SOS1: variants seen among roughly 807,000 people sequenced by gnomAD.
SOS1 encodes son of sevenless homolog 1.
SOS1 carries 25 observed loss-of-function variants against 157.6 expected under a neutral mutation model. The ratio of observed to expected loss-of-function variants is 0.16; its 90% CI spans 0.12 to 0.22. The LOEUF is 0.22. SOS1 is among the 10% of genes least tolerant of loss of function. The pLI is 1.00. For missense variants in SOS1, 1,237 were observed against 1,599.1 expected, an observed-to-expected ratio of 0.77 and a Z score of 3.86; for synonymous variants, 528 against 534.0, an observed-to-expected ratio of 0.99 and a Z score of 0.16.
chr2:39,029,984 G>A (rs10172085), intron 8 of SOS1, among the ~76,000 whole-genome samples: 123,777 of 151,722 alleles, frequency 0.82, 52,426 homozygotes, highest in Non-Finnish European at 0.93. Flanking sequence ...CTGGGCAACA[G>A]AGCGACGTCT....
At chr2:38,994,846 T>C (rs1251868832) in intron 20 of SOS1, among the ~76,000 whole-genome samples, 1 of 152,218 alleles carries the variant, frequency 6.6e-6, no homozygotes, top group Non-Finnish European at 1.5e-5. Flanking sequence ...AGGAATGCAT[T>C]TGAAAAGCTC....
chr2:38,998,793 A>G (rs1209555399), intron 17 of SOS1, among the ~76,000 whole-genome samples: 4 of 152,152 alleles, frequency 2.6e-5, no homozygotes, highest in African/African-American at 9.7e-5. Context: ...ACTGATTACA[A>G]TGCTTTGAGG....
At chr2:39,025,516 A>ATT (rs200073263) in intron 8 of SOS1, among the ~76,000 whole-genome samples, 1 of 139,828 alleles carries the variant, frequency 7.2e-6, no homozygotes, top group South Asian at 2.3e-4. Flanking sequence ...CACCTGACTG[A>ATT]TTTTTTTTTT....
At chr2:39,067,571 A>T in intron 2 of SOS1, 57 bp downstream of exon 2, 2 of 1,518,238 alleles carry the variant, frequency 1.3e-6, no homozygotes, top group South Asian at 2.2e-5. Context: ...GTTCACTGAC[A>T]TTACAACCAA....
At chr2:39,103,979 A>C (rs148419781) in intron 1 of SOS1, among the ~76,000 whole-genome samples, 2,547 of 152,248 alleles carry the variant, frequency 0.017, 27 homozygotes, top group Middle Eastern at 0.088. Context: ...CAAACAACCA[A>C]ATTAAAAAAT....
chr2:39,057,850 A>G (rs1420256980), intron 3 of SOS1, among the ~76,000 whole-genome samples: 4 of 151,518 alleles, frequency 2.6e-5, no homozygotes, highest in African/African-American at 9.7e-5. Flanking sequence ...CAAGTGTTTA[A>G]CTTTAAATTT....
In SOS1 at chr2:39,074,872, G is replaced by GGAA. The variant is rs1671915065; in HGVS notation, c.88-7122_88-7120dup. Among the ~76,000 whole-genome samples, 5 of 135,818 alleles carry GGAA rather than the reference G, an allele frequency of 3.7e-5. No individual in the cohort carries two copies. In the Admixed American group the frequency reaches 3.8e-4, roughly 10 times the overall value. The allele number at this position is 135,818 out of a possible 152,430, so 89.1% of individuals were successfully genotyped here. ...ACAAGAGCAAAAGTCTGCCTCAACAGGAAAAAAAAAAAAAAAAAAGGCACA... is the reference window on the plus strand; with the variant it reads ...ACAAGAGCAAAAGTCTGCCTCAACAGGAAGAAAAAAAAAAAAAAAAAAGGCACA... On this transcript the variant is annotated intron_variant, in intron 1 of 22. Transcript: ENST00000402219.
intron 17 of SOS1, among the ~76,000 whole-genome samples, chr2:38,998,985 G>GCT (rs1303493408): frequency 6.6e-6 from 1 of 152,170 alleles, no homozygotes; most frequent in Non-Finnish European, 1.5e-5. Flanking sequence ...AGTATAATTT[G>GCT]CTAAGCGCTA....
chr2:39,044,864 G>GCGCACACACACACA (rs147443441), intron 6 of SOS1, among the ~76,000 whole-genome samples: 1,969 of 147,724 alleles, frequency 0.013, 15 homozygotes, highest in Middle Eastern at 0.021. Flanking sequence ...GCGCGCGCGC[G>GCGCACACACACACA]CACACACACA....
At chr2:39,113,072 ATTAT>A (rs1673500505) in intron 1 of SOS1, among the ~76,000 whole-genome samples, 1 of 151,892 alleles carries the variant, frequency 6.6e-6, no homozygotes, top group Admixed American at 6.6e-5. Context: ...AATAGAAGTG[ATTAT>A]TTAGCATGAA....
intron 1 of SOS1, among the ~76,000 whole-genome samples, chr2:39,100,999 CATTG>C (rs1672945950): frequency 6.6e-6 from 1 of 152,164 alleles, no homozygotes; most frequent in Admixed American, 6.6e-5. Context: ...AGTCTATTTG[CATTG>C]CTATAAAGAA....
chr2:39,120,285 G>T (rs1171827871), intron 1 of SOS1, 51 bp downstream of exon 1: 1 of 1,499,288 alleles, frequency 6.7e-7, no homozygotes, highest in East Asian at 2.6e-5. Context: ...CTTCCCCAGC[G>T]CCCGCGCTGG....
At chr2:39,048,764 T>TA (rs1455146951) in intron 6 of SOS1, among the ~76,000 whole-genome samples, 3 of 152,340 alleles carry the variant, frequency 2.0e-5, no homozygotes, top group African/African-American at 7.2e-5. Flanking sequence ...GCTGTGTGTT[T>TA]ATTTTTATTT....
Position 39,012,147 on chromosome 2 carries a change from A to G in SOS1, c.2369T>C (p.Leu790Ser), listed in dbSNP as rs139859866. ...ATACCGGTATAGATCTGATTCAAGTAAAGTGAGTTGTCGAGCAATTTCTAT... is the reference window on the plus strand; with the variant it reads ...ATACCGGTATAGATCTGATTCAAGTGAAGTGAGTTGTCGAGCAATTTCTAT... ...HPIEIARQLTLLESDLYRAVQ... is the reference protein window; with the variant it reads ...HPIEIARQLTSLESDLYRAVQ... Residue 790 changes from leucine (L) to serine (S), a missense_variant, in exon 14 of 23, where the codon TTA becomes TCA. Around this residue, in one of 15 missense-constraint regions of SOS1, gnomAD observed 105 missense variants for 236.0 expected, o/e 0.44. Coordinates refer to ENST00000402219, the MANE Select transcript of SOS1 (RefSeq NM_005633.4). 7.4e-6 allele frequency: 12 copies of G among 1,612,172 alleles called. No homozygotes were observed. The highest frequency in any genetic ancestry group is 1.3e-5 in the African/African-American group (1 of 74,872).
chr2:39,094,862 T>G (rs937912370), intron 1 of SOS1, among the ~76,000 whole-genome samples: 1 of 152,160 alleles, frequency 6.6e-6, no homozygotes, highest in Admixed American at 6.6e-5. Context: ...TAAGGATACA[T>G]TGCTACTTTT....
chr2:39,043,740 CTT>C (rs1670656945), intron 6 of SOS1, among the ~76,000 whole-genome samples: 1 of 152,140 alleles, frequency 6.6e-6, no homozygotes, highest in African/African-American at 2.4e-5. Context: ...GTCTCTTTCT[CTT>C]TTTATAAAAA....
Position 39,067,666 on chromosome 2 carries a change from G to C in SOS1, c.175C>G (p.Leu59Val). Residue 59 changes from leucine to valine, a missense_variant, in exon 2 of 23, where the codon CTA (leucine) becomes GTA (valine). Coordinates refer to ENST00000402219, the MANE Select transcript of SOS1 (RefSeq NM_005633.4). Reference sequence around the variant, plus strand: ...GCACTTCGGGGCTGAGCTTGGCATAGCATATTTAATAATTGCAAAATTAAT... The same window carrying C: ...GCACTTCGGGGCTGAGCTTGGCATACCATATTTAATAATTGCAAAATTAAT... ...EELILQLLNM[L>V]CQAQPRSASD... The C allele has an allele frequency of 6.2e-7, 1 of 1,612,878 alleles. No individual in the cohort carries two copies. Among genetic ancestry groups the C allele is most frequent in the East Asian group, 2.2e-5 (1 of 44,862 alleles).
intron 1 of SOS1, among the ~76,000 whole-genome samples, chr2:39,104,699 A>C (rs1013046136): frequency 5.9e-5 from 9 of 152,240 alleles, no homozygotes; most frequent in Admixed American, 5.2e-4. Context: ...AAAAGGTGCA[A>C]AATGTCCACC....
At chr2:39,005,025 T>C (rs1420822380) in intron 17 of SOS1, among the ~76,000 whole-genome samples, 1 of 152,210 alleles carries the variant, frequency 6.6e-6, no homozygotes, top group Non-Finnish European at 1.5e-5. Flanking sequence ...AACCTATGTA[T>C]AGTAGTCCCT....
Sources: gnomAD v4.1 joint callset for allele counts (sites outside exome capture counted in the v4.1 genomes callset) on GRCh38, gnomAD v4.1.1 for gene constraint, gnomAD v4.1.1 regional missense constraint, MANE v1.5 for transcripts, NCBI Gene and HGNC (gene_info 2026-07-23, HGNC 2026-07-21) for gene names.